Variants in ZBED4 observed in about 807,000 individuals in gnomAD.
ZBED4 encodes zinc finger BED-type containing 4, also known as zinc finger BED domain-containing protein 4.
In ZBED4, 4 loss-of-function variants were observed where a neutral mutation model predicts 15.5. That is an observed-to-expected ratio of 0.26 (90% CI 0.13 to 0.59). ZBED4 has a LOEUF of 0.59. Ranked by LOEUF, ZBED4 falls within the 20% of genes least tolerant of loss-of-function variation. ZBED4 has a pLI of 0.90. For missense variants in ZBED4, 1,323 were observed against 1,461.8 expected (o/e 0.91, Z 1.55); for synonymous variants, 692 against 608.5 (o/e 1.14, Z -2.02).
At chr22:49,872,459 A>T (rs1034381435) in intron 1 of ZBED4, among the ~76,000 whole-genome samples, 2 of 152,210 alleles carry the variant, frequency 1.3e-5, no homozygotes, top group African/African-American at 4.8e-5. Flanking sequence ...CATGAGGGTT[A>T]GAATTAACTT....
chr22:49,881,678 G>A (rs2060410404), intron 1 of ZBED4, among the ~76,000 whole-genome samples: 2 of 152,022 alleles, frequency 1.3e-5, no homozygotes, highest in African/African-American at 4.8e-5. Flanking sequence ...CACCATACTT[G>A]GCATTTTTTG....
chr22:49,884,990 C>A lies in ZBED4; in HGVS notation c.1328C>A (p.Ser443Tyr). The A allele has an allele frequency of 6.2e-7, 1 of 1,613,580 alleles. No individual in the cohort carries two copies. Among genetic ancestry groups the A allele is most frequent in the Non-Finnish European group, 8.5e-7 (1 of 1,179,706 alleles). The stretch of plus-strand genomic sequence containing the variant: ...GGGCTGAGTCCTAGATTGTTTGAAT[C>A]TGGCGCCATCTTCCAGCAGAATAAA... ...ADGLSPRLFE[S>Y]GAIFQQNKKV... Residue 443 changes from serine (S) to tyrosine (Y), a missense_variant, in exon 2 of 2, where the codon TCT becomes TAT. Ser to Tyr is a moderately radical substitution (Grantham distance 144, BLOSUM62 -2). Coordinates refer to ENST00000216268, the MANE Select transcript of ZBED4 (RefSeq NM_014838.3).
At position 49,884,606 on chromosome 22, in the gene ZBED4, G is replaced by A. The variant is rs759708957; in HGVS notation, c.944G>A (p.Arg315Gln). 1.2e-6 allele frequency: 2 copies of A among 1,612,180 alleles called. No homozygotes were observed. The highest frequency in any genetic ancestry group is 1.3e-5 in the African/African-American group (1 of 74,886). ...ATTCACTGCATGAACGAGTTCAGCC[G>A]GGGGAAGAATGGGAAGGACCTGGGC... ...VCIHCMNEFS[R>Q]GKNGKDLGTS... The change falls in exon 2 of 2, where the codon CGG becomes CAG. Residue 315 changes from arginine (R) to glutamine (Q), a missense_variant. This residue lies in a region of ZBED4 where 380 missense variants were observed against 413.7 expected (regional missense o/e 0.92). Coordinates refer to ENST00000216268, the MANE Select transcript of ZBED4 (RefSeq NM_014838.3).
chr22:49,859,013 A>G (rs2060286388), intron 1 of ZBED4, among the ~76,000 whole-genome samples: 2 of 151,718 alleles, frequency 1.3e-5, no homozygotes, highest in Admixed American at 6.6e-5. Flanking sequence ...GGCCCTTTAA[A>G]TTGTGTCCCT....
At chr22:49,873,161 C>T (rs1039770117) in intron 1 of ZBED4, among the ~76,000 whole-genome samples, 1 of 152,220 alleles carries the variant, frequency 6.6e-6, no homozygotes, top group Non-Finnish European at 1.5e-5. Flanking sequence ...TTTGCATTCA[C>T]GTCTTGGCTG....
upstream of ZBED4, chr22:49,853,498 C>G (rs1345532820): frequency 6.6e-6 from 1 of 152,192 alleles, no homozygotes; most frequent in Non-Finnish European, 1.5e-5. Context: ...GGGTGCGCGC[C>G]GAGCCGCTGC....
At position 49,870,176 on chromosome 22, in the gene ZBED4, A is replaced by G. The variant is rs563871774; in HGVS notation, c.-329-13158A>G. ...TGATTTTGTTCTTTTTTATGGCTGT[A>G]TAATATTCCATGGTGTGGATATACC... On this transcript the variant is annotated intron_variant, in intron 1 of 1. Transcript: ENST00000216268. 5.3e-5 allele frequency among the ~76,000 whole-genome samples: 8 copies of G among 152,324 alleles called. No homozygotes were observed. In the East Asian group the frequency reaches 1.5e-3, roughly 29 times the overall value.
At chr22:49,869,813 G>T (rs781361906) in intron 1 of ZBED4, among the ~76,000 whole-genome samples, 6 of 152,034 alleles carry the variant, frequency 3.9e-5, no homozygotes, top group African/African-American at 7.3e-5. Flanking sequence ...TTTTTAAAAA[G>T]AATTTCAACT....
At chr22:49,874,829 C>T (rs1001994708) in intron 1 of ZBED4, among the ~76,000 whole-genome samples, 18 of 151,768 alleles carry the variant, frequency 1.2e-4, no homozygotes, top group South Asian at 6.3e-4. Context: ...AAAACAGGTG[C>T]GTGCCACCAT....
Position 49,885,427 on chromosome 22 carries a change from G to A in ZBED4, c.1765G>A (p.Gly589Arg). Residue 589 changes from glycine to arginine, a missense_variant, in exon 2 of 2, where the codon GGG (glycine) becomes AGG (arginine). Coordinates refer to ENST00000216268, the MANE Select transcript of ZBED4 (RefSeq NM_014838.3). The stretch of plus-strand genomic sequence containing the variant: ...GCACTGTGGCCGGACCATCAGCCGG[G>A]GGAAGAAGCCGACTAACTTGGGTAC... ...CLHCGRTISR[G>R]KKPTNLGTSC... 1.2e-6 allele frequency: 2 copies of A among 1,609,050 alleles called. No homozygotes were observed. The highest frequency in any genetic ancestry group is 2.2e-5 in the South Asian group (2 of 91,024).
At chr22:49,857,013 C>G (rs934074085) in intron 1 of ZBED4, among the ~76,000 whole-genome samples, 1 of 152,202 alleles carries the variant, frequency 6.6e-6, no homozygotes, top group South Asian at 2.1e-4. Context: ...CTGCAGCCCC[C>G]TACCTGATTA....
At chr22:49,871,794 G>A (rs546449689) in intron 1 of ZBED4, among the ~76,000 whole-genome samples, 14 of 149,648 alleles carry the variant, frequency 9.4e-5, no homozygotes, top group Admixed American at 2.0e-4. Flanking sequence ...TTACTCTGTC[G>A]CCCAGGGTGG....
rs1414916658 is a variant in ZBED4, at chr22:49,884,836, A to G, written c.1174A>G (p.Arg392Gly). The G allele has an allele frequency of 6.2e-7, 1 of 1,610,472 alleles. No homozygotes were observed. The change falls in exon 2 of 2, where the codon AGG (arginine) becomes GGG (glycine). Residue 392 changes from arginine (R) to glycine (G), a missense_variant. Physicochemically the swap from Arg to Gly is moderately radical, Grantham distance 125. Around this residue, in one of 6 missense-constraint regions of ZBED4, gnomAD observed 429 missense variants for 397.9 expected, o/e 1.08. Transcript: ENST00000216268. ...CCCTTCGGCCTCCTCCTCCCCTGAC[A>G]GGCTGACTGAGGACTTGCAGTCTCA... The part of the protein sequence containing the change: ...ESPSASSSPD[R>G]LTEDLQSHLN...
Position 49,887,547 on chromosome 22 carries a change from A to T in ZBED4, c.*369A>T, listed in dbSNP as rs2060447045. The T allele has an allele frequency of 5.3e-6, 1 of 187,456 alleles. No individual in the cohort carries two copies. Among genetic ancestry groups the T allele is most frequent in the Non-Finnish European group, 1.2e-5 (1 of 80,130 alleles). The allele number at this position is 187,456 out of a possible 1,614,324, so 11.6% of individuals were successfully genotyped here. A position where few individuals can be genotyped will look rare whatever the true frequency, so the allele number is the denominator to read the frequency against. ...AGGCTTTTTACTCAATTATGTACAA[A>T]CCACAAATCAGGTACTGTATTTTAG... On this transcript the variant is annotated 3_prime_UTR_variant, in exon 2 of 2. Transcript: ENST00000216268.
At chr22:49,860,596 T>C (rs932428803) in intron 1 of ZBED4, among the ~76,000 whole-genome samples, 17 of 151,928 alleles carry the variant, frequency 1.1e-4, no homozygotes, top group African/African-American at 4.1e-4. Flanking sequence ...TTTTATTTTA[T>C]TTATTTTTCC....
Position 49,884,171 on chromosome 22 carries a change from T to A in ZBED4, c.509T>A (p.Ile170Asn). ...HVRRAHPTVL[I>N]QENGSVSAVS... is the part of the protein sequence containing the mutation. ...AGGCGCGCACACCCGACCGTGCTCA[T>A]TCAGGAAAATGGCAGTGTGTCTGCC... Residue 170 changes from isoleucine (I) to asparagine (N), a missense_variant, in exon 2 of 2, where the codon ATT becomes AAT. Around this residue, in one of 6 missense-constraint regions of ZBED4, gnomAD observed 380 missense variants for 413.7 expected, o/e 0.92. Transcript: ENST00000216268. 1 of 1,612,424 alleles carries A rather than the reference T, an allele frequency of 6.2e-7. No individual in the cohort carries two copies. The highest frequency in any genetic ancestry group is 8.5e-7 in the Non-Finnish European group (1 of 1,179,178).
rs924115227 is a variant in ZBED4, at chr22:49,887,362, C to T, written c.*184C>T. ...CCCTTCTCCTTCAGGCCAAGTTTCG[C>T]GGGGTGTTTTATTAAGACGTCCACT... On this transcript the variant is annotated 3_prime_UTR_variant, in exon 2 of 2. Coordinates refer to ENST00000216268, the MANE Select transcript of ZBED4 (RefSeq NM_014838.3). 22 of 531,666 alleles carry T rather than the reference C, an allele frequency of 4.1e-5. No individual in the cohort carries two copies. Among genetic ancestry groups the T allele is most frequent in the Middle Eastern group, 5.2e-4 (1 of 1,922 alleles). 32.9% of individuals were successfully genotyped at this position (531,666 alleles called of 1,614,324 possible). A position where few individuals can be genotyped will look rare whatever the true frequency, so the allele number is the denominator to read the frequency against.
rs1419788606 is a variant in ZBED4, at chr22:49,889,290, G to GT, written c.*2119dup. 4 of 167,054 alleles carry GT rather than the reference G, an allele frequency of 2.4e-5. No homozygotes were observed. The highest frequency in any genetic ancestry group is 2.1e-4 in the South Asian group (1 of 4,828). The allele number at this position is 167,054 out of a possible 1,614,324, so 10.3% of individuals were successfully genotyped here. A position where few individuals can be genotyped will look rare whatever the true frequency, so the allele number is the denominator to read the frequency against. On this transcript the variant is annotated 3_prime_UTR_variant, in exon 2 of 2. Transcript: ENST00000216268. ...ATTTTCTTGGAATACAGTCACAGCTGTTTTTTTAACATGGTGTCTTGGCTA... is the reference window on the plus strand; with the variant it reads ...ATTTTCTTGGAATACAGTCACAGCTGTTTTTTTTAACATGGTGTCTTGGCTA...
At chr22:49,869,660 C>T (rs1247700227) in intron 1 of ZBED4, among the ~76,000 whole-genome samples, 1 of 152,028 alleles carries the variant, frequency 6.6e-6, no homozygotes, top group East Asian at 1.9e-4. Context: ...CTTAAAATAG[C>T]TTTCATGGAA....
Sources: gnomAD v4.1 joint callset for allele counts (sites outside exome capture counted in the v4.1 genomes callset) on GRCh38, gnomAD v4.1.1 for gene constraint, gnomAD v4.1.1 regional missense constraint, MANE v1.5 for transcripts, NCBI Gene and HGNC (gene_info 2026-07-23, HGNC 2026-07-21) for gene names.